SEM1: variants seen among roughly 807,000 people sequenced by gnomAD.
The protein encoded by SEM1 is SEM1 26S proteasome subunit, also known as 26S proteasome complex subunit SEM1.
In SEM1, 3 loss-of-function variants were observed where a neutral mutation model predicts 12.7. The ratio of observed to expected loss-of-function variants is 0.24; its 90% CI spans 0.11 to 0.61. The LOEUF (loss-of-function observed/expected upper bound fraction) is 0.61. Ranked by LOEUF, SEM1 falls within the 20% of genes least tolerant of loss-of-function variation. The pLI, the probability that SEM1 is intolerant of heterozygous loss-of-function variation, is 0.88. For synonymous variants in SEM1, 30 were observed against 27.8 expected (o/e 1.08, Z -0.25); for missense variants, 59 against 81.3 (o/e 0.73, Z 1.06).
At chr7:96,639,860 A>AC (rs1808537805) in intron 2 of SEM1, among the ~76,000 whole-genome samples, 1 of 151,980 alleles carries the variant, frequency 6.6e-6, no homozygotes, top group African/African-American at 2.4e-5. Context: ...CAAGGCACCT[A>AC]TTCAACAATG....
intron 1 of SEM1, among the ~76,000 whole-genome samples, chr7:96,701,140 G>A (rs575094131): frequency 6.6e-6 from 1 of 151,904 alleles, no homozygotes; most frequent in Non-Finnish European, 1.5e-5. Context: ...ACATTAGAGG[G>A]GAGAGAAAAA....
chr7:96,524,910 A>AT (rs1421621411), intron 2 of SEM1, among the ~76,000 whole-genome samples: 1 of 152,180 alleles, frequency 6.6e-6, no homozygotes, highest in African/African-American at 2.4e-5. Context: ...ACTGAATGAA[A>AT]TATCAGTTTT....
chr7:96,590,811 T>C lies in SEM1; in HGVS notation c.171-84113A>G, dbSNP rs570700309. Among the ~76,000 whole-genome samples, 15 of 152,286 alleles carry C rather than the reference T, an allele frequency of 9.8e-5. No individual in the cohort carries two copies. The South Asian group carries it at 2.7e-3, about 27-fold the overall frequency. Reference sequence around the variant, plus strand: ...AGGAAGTGTGGCTATGCCAAAATCATTTGTAGAAACATAATTTTATGTGTG... The same window carrying C: ...AGGAAGTGTGGCTATGCCAAAATCACTTGTAGAAACATAATTTTATGTGTG... On this transcript the variant is annotated intron_variant and NMD_transcript_variant, in intron 2 of 3. Coordinates refer to the SEM1 transcript ENST00000466986.
intron 1 of SEM1, among the ~76,000 whole-genome samples, chr7:96,492,585 ATTTTTTT>A (rs59252542): frequency 1.3e-4 from 10 of 79,676 alleles, no homozygotes; most frequent in African/African-American, 2.1e-4. Context: ...AATTTTTTGT[ATTTTTTT>A]TTTTTTTTTT....
chr7:96,672,233 A>T (rs1789335821), downstream of SEM1, among the ~76,000 whole-genome samples: 1 of 152,208 alleles, frequency 6.6e-6, no homozygotes, highest in Non-Finnish European at 1.5e-5. Flanking sequence ...GTGGGCAGGA[A>T]ACCAAGAGTT....
intron 2 of SEM1, among the ~76,000 whole-genome samples, chr7:96,657,347 A>G (rs1399166648): frequency 6.6e-6 from 1 of 152,222 alleles, no homozygotes; most frequent in Admixed American, 6.5e-5. Context: ...GGATAAATGA[A>G]TTTCACAAAA....
chr7:96,708,838 A>C (rs1790551341), intron 1 of SEM1, among the ~76,000 whole-genome samples: 1 of 152,234 alleles, frequency 6.6e-6, no homozygotes, highest in African/African-American at 2.4e-5. Flanking sequence ...ATATGCTATT[A>C]CAAGTAAAGC....
At chr7:96,621,590 C>T (rs1807894433), downstream of SEM1, 1 of 152,178 alleles carries the variant, frequency 6.6e-6, no homozygotes, top group South Asian at 2.1e-4. Context: ...CTATTCAGTG[C>T]TTCTCCAGTT....
intron 2 of SEM1, among the ~76,000 whole-genome samples, chr7:96,692,379 T>C (rs990231229): frequency 2.0e-5 from 3 of 152,096 alleles, no homozygotes; most frequent in Non-Finnish European, 4.4e-5. Context: ...GTCAAAAACA[T>C]ATCAGGAAGA....
intron 2 of SEM1, among the ~76,000 whole-genome samples, chr7:96,523,636 C>T (rs1245240139): frequency 1.3e-5 from 2 of 152,058 alleles, no homozygotes; most frequent in African/African-American, 4.8e-5. Context: ...CACAGCCACC[C>T]ACCAACTCCT....
At position 96,531,729 on chromosome 7, in the gene SEM1, G is replaced by A. The variant is rs58293085; in HGVS notation, c.171-25031C>T. On this transcript the variant is annotated intron_variant and NMD_transcript_variant, in intron 2 of 3. Coordinates refer to the SEM1 transcript ENST00000466986. ...GGATCAGAACATGTAGATGCTCAGTGTTAAAGAAATTTTAACATTTACCCT... is the reference window on the plus strand; with the variant it reads ...GGATCAGAACATGTAGATGCTCAGTATTAAAGAAATTTTAACATTTACCCT... Among the ~76,000 whole-genome samples, 1,151 of 152,128 alleles carry A rather than the reference G, an allele frequency of 7.6e-3. 80 individuals carry two copies. The East Asian group carries it at 0.17, about 22-fold the overall frequency.
intron 2 of SEM1, among the ~76,000 whole-genome samples, chr7:96,635,315 C>A (rs1311428915): frequency 6.6e-6 from 1 of 152,012 alleles, no homozygotes; most frequent in Non-Finnish European, 1.5e-5. Flanking sequence ...GAGGAAGTAA[C>A]AAGCAGGCAG....
At chr7:96,670,788 T>C (rs1340328651), downstream of SEM1, among the ~76,000 whole-genome samples, 1 of 152,236 alleles carries the variant, frequency 6.6e-6, no homozygotes. Context: ...GATGCCATCA[T>C]GCTTGATTTA....
At chr7:96,553,111 T>A (rs957950832) in intron 2 of SEM1, among the ~76,000 whole-genome samples, 19 of 152,290 alleles carry the variant, frequency 1.2e-4, no homozygotes, top group Middle Eastern at 6.8e-3. Context: ...GTCAGATGAG[T>A]AGGTTGCGAA....
At chr7:96,585,286 TCAGGG>T (rs1488591569) in intron 2 of SEM1, among the ~76,000 whole-genome samples, 1 of 152,092 alleles carries the variant, frequency 6.6e-6, no homozygotes, top group African/African-American at 2.4e-5. Context: ...TGCTCAGGGG[TCAGGG>T]GTCAGGGACC....
intron 1 of SEM1, among the ~76,000 whole-genome samples, chr7:96,697,658 A>G (rs1790139938): frequency 6.6e-6 from 1 of 152,176 alleles, no homozygotes; most frequent in Non-Finnish European, 1.5e-5. Context: ...GTTTCTTCAA[A>G]TACAAAACAT....
Position 96,538,901 on chromosome 7 carries a change from T to C in SEM1, c.171-32203A>G, listed in dbSNP as rs1300075816. Among the ~76,000 whole-genome samples the C allele has an allele frequency of 2.0e-5, 3 of 151,834 alleles. No individual in the cohort carries two copies. The East Asian group carries it at 5.8e-4, about 29-fold the overall frequency. On this transcript the variant is annotated intron_variant and NMD_transcript_variant, in intron 2 of 3. Transcript: ENST00000466986. ...GGTCATATTGCACAATGATTACTCC[T>C]CTTTTCTAGTCAGAACCATGAAGGA...
chr7:96,657,527 A>G (rs1394691241), intron 2 of SEM1, among the ~76,000 whole-genome samples: 2 of 152,182 alleles, frequency 1.3e-5, no homozygotes, highest in Admixed American at 1.3e-4. Flanking sequence ...TATTCTCAGC[A>G]GTGTGGCTAT....
intron 2 of SEM1, 134 bp downstream of exon 2, chr7:96,694,664 G>T: frequency 4.0e-6 from 2 of 495,202 alleles, no homozygotes; most frequent in East Asian, 3.1e-5. Context: ...AAGACAATAT[G>T]TCTTACTTTA....
Sources: allele counts gnomAD v4.1 joint callset (sites outside exome capture counted in the v4.1 genomes callset), GRCh38; gene constraint gnomAD v4.1.1; transcripts MANE v1.5; gene names NCBI Gene and HGNC (gene_info 2026-07-23, HGNC 2026-07-21).